Variants in NXN observed in about 807,000 individuals in gnomAD.
The protein encoded by NXN is nucleoredoxin 1.
NXN carries 16 observed loss-of-function variants against 48.6 expected under a neutral mutation model. The observed-to-expected ratio is 0.33, with a 90% CI of 0.22 to 0.50. The LOEUF is 0.50. Ranked by LOEUF, NXN falls within the 20% of genes least tolerant of loss-of-function variation. NXN has a pLI of 0.98. For missense variants in NXN, 492 were observed against 605.5 expected (o/e 0.81, Z 1.97); for synonymous variants, 281 against 269.6 (o/e 1.04, Z -0.41).
chr17:968,179 G>A (rs1254550594), intron 1 of NXN, among the ~76,000 whole-genome samples: 2 of 152,074 alleles, frequency 1.3e-5, no homozygotes, highest in Non-Finnish European at 2.9e-5. Flanking sequence ...GGCAGTAGGT[G>A]TCCTTGAGTT....
intron 1 of NXN, among the ~76,000 whole-genome samples, chr17:955,737 A>G (rs1389159245): frequency 6.6e-6 from 1 of 151,628 alleles, no homozygotes; most frequent in Non-Finnish European, 1.5e-5. Flanking sequence ...TCTACTAAAA[A>G]AAAATACAAA....
rs1397688158 is a variant in NXN at position 825,027 on chromosome 17, T to C, written c.478+934A>G. On this transcript the variant is annotated intron_variant, in intron 2 of 7. Coordinates refer to ENST00000336868, the MANE Select transcript of NXN (RefSeq NM_022463.5). The surrounding 1 kb of genome is among the most constrained non-coding windows in gnomAD (Gnocchi z 4.1). ...GGCGGATTGCTTGAGCTCAAAAGTT[T>C]TGAGACCAGCCTGGGCAAGCCTAGG... is the stretch of plus-strand genomic sequence containing the variant. Among the ~76,000 whole-genome samples, 1 of 152,048 alleles carries C rather than the reference T, an allele frequency of 6.6e-6. No individual in the cohort carries two copies. The highest frequency in any genetic ancestry group is 1.5e-5 in the Non-Finnish European group (1 of 67,980).
At chr17:855,265 G>A (rs540973131) in intron 1 of NXN, among the ~76,000 whole-genome samples, 10 of 152,246 alleles carry the variant, frequency 6.6e-5, no homozygotes, top group Non-Finnish European at 5.9e-5. Flanking sequence ...GCTACAGAGC[G>A]AGACGTTATC....
intron 1 of NXN, among the ~76,000 whole-genome samples, chr17:891,698 C>T (rs1422714374): frequency 5.3e-5 from 8 of 152,204 alleles, no homozygotes; most frequent in Non-Finnish European, 1.0e-4. Context: ...GCTAACCTCA[C>T]CATGCACAGC....
intron 5 of NXN, among the ~76,000 whole-genome samples, chr17:812,648 A>ATGTGTGTGACTGTAGG (rs1555609345): frequency 8.1e-6 from 1 of 123,294 alleles, no homozygotes; most frequent in Non-Finnish European, 1.8e-5. Context: ...GTGAGTGTGC[A>ATGTGTGTGACTGTAGG]TGTGTGTGAC....
At chr17:804,427 C>T (rs996188120) in intron 6 of NXN, among the ~76,000 whole-genome samples, 8 of 152,024 alleles carry the variant, frequency 5.3e-5, no homozygotes, top group African/African-American at 1.5e-4. Flanking sequence ...GGATTACAGG[C>T]GTGAGCCACC....
At position 938,887 on chromosome 17, in the gene NXN, C is replaced by T. The variant is rs141055542; in HGVS notation, c.360+40432G>A. Among the ~76,000 whole-genome samples the T allele has an allele frequency of 4.8e-3, 732 of 152,020 alleles. 7 individuals carry two copies. Among genetic ancestry groups the T allele is most frequent in the East Asian group, 0.028 (143 of 5,148 alleles). Reference sequence around the variant, plus strand: ...CCAGCCTGGCCAACATGGCAAAACCCCGTCTCTACTAAAAATTAGCTGGGT... The same window carrying T: ...CCAGCCTGGCCAACATGGCAAAACCTCGTCTCTACTAAAAATTAGCTGGGT... On this transcript the variant is annotated intron_variant, in intron 1 of 7. Coordinates refer to ENST00000336868, the MANE Select transcript of NXN (RefSeq NM_022463.5).
At chr17:861,714 G>T (rs1276344251) in intron 1 of NXN, among the ~76,000 whole-genome samples, 1 of 151,502 alleles carries the variant, frequency 6.6e-6, no homozygotes, top group Non-Finnish European at 1.5e-5. Context: ...ACCAAATTTG[G>T]GATACGGTAA....
intron 1 of NXN, among the ~76,000 whole-genome samples, chr17:904,292 TCGG>T (rs2068563097): frequency 6.6e-6 from 1 of 151,838 alleles, no homozygotes; most frequent in African/African-American, 2.4e-5. Flanking sequence ...TGCCCGGACG[TCGG>T]ACGCCGTCCG....
intron 5 of NXN, among the ~76,000 whole-genome samples, chr17:810,140 C>A (rs1474778596): frequency 1.9e-5 from 2 of 107,280 alleles, no homozygotes; most frequent in African/African-American, 3.8e-5. Flanking sequence ...GTGCACGTTA[C>A]GAGTCTGTGA....
intron 1 of NXN, among the ~76,000 whole-genome samples, chr17:952,671 C>T (rs2069125041): frequency 9.1e-5 from 2 of 21,966 alleles, no homozygotes; most frequent in African/African-American, 2.5e-4. Flanking sequence ...GCAGGTACCA[C>T]GGACGGTCAC....
chr17:961,363 C>T (rs899079341), intron 1 of NXN, among the ~76,000 whole-genome samples: 44 of 150,238 alleles, frequency 2.9e-4, no homozygotes, highest in South Asian at 2.1e-4. Flanking sequence ...CCAGCCTGGG[C>T]GACAGAGTGA....
chr17:955,199 G>A (rs551599479), intron 1 of NXN, among the ~76,000 whole-genome samples: 6 of 131,516 alleles, frequency 4.6e-5, no homozygotes, highest in Non-Finnish European at 9.2e-5. Context: ...ACAGAGTCTC[G>A]CTCTGTCACC....
chr17:801,000 C>G lies in NXN; in HGVS notation c.1257G>C (p.Glu419Asp), dbSNP rs1307506533. 5.1e-6 allele frequency: 8 copies of G among 1,562,140 alleles called. No homozygotes were observed. Among genetic ancestry groups the G allele is most frequent in the Non-Finnish European group, 6.9e-6 (8 of 1,152,118 alleles). ...CTGCTAGGAAGTCATTCACAAAGGC[C>G]TCCACGATGGCGGGGGTGATCTCCT... ...DVEEITPAIV[E>D]AFVNDFLAEK... Residue 419 changes from glutamate (E) to aspartate (D), a missense_variant, in exon 8 of 8, where the codon GAG (glutamate) becomes GAC (aspartate). Coordinates refer to ENST00000336868, the MANE Select transcript of NXN (RefSeq NM_022463.5).
chr17:953,286 A>G (rs184988020), intron 1 of NXN, among the ~76,000 whole-genome samples: 4,133 of 152,186 alleles, frequency 0.027, 79 homozygotes, highest in Admixed American at 0.048. Context: ...ATGGTGGCTC[A>G]CGCCTGTAAT....
chr17:974,961 G>A (rs1443439699), intron 1 of NXN, among the ~76,000 whole-genome samples: 1 of 151,926 alleles, frequency 6.6e-6, no homozygotes, highest in Non-Finnish European at 1.5e-5. Context: ...CGAGTAGCTG[G>A]GACCACAGGT....
chr17:832,352 T>C (rs1346471995), intron 1 of NXN, among the ~76,000 whole-genome samples: 1 of 105,284 alleles, frequency 9.5e-6, no homozygotes, highest in Non-Finnish European at 1.8e-5. Flanking sequence ...TACTATTTTG[T>C]ATTTTTTTTT....
At chr17:819,872 G>T (rs564859772) in intron 4 of NXN, among the ~76,000 whole-genome samples, 1 of 152,318 alleles carries the variant, frequency 6.6e-6, no homozygotes, top group Admixed American at 6.5e-5. Flanking sequence ...GATGTGCACA[G>T]CCACTGCATA....
Position 956,069 on chromosome 17 carries a change from T to C in NXN, c.360+23250A>G, listed in dbSNP as rs2069165987. On this transcript the variant is annotated intron_variant, in intron 1 of 7. Coordinates refer to ENST00000336868, the MANE Select transcript of NXN (RefSeq NM_022463.5). The surrounding 1 kb of genome is among the most constrained non-coding windows in gnomAD (Gnocchi z 4.1). ...TCCCCCTGTCCTTTCCAGGGTATCA[T>C]TCAGTGACTGCATTGTTCAATATTT... Among the ~76,000 whole-genome samples, 1 of 152,244 alleles carries C rather than the reference T, an allele frequency of 6.6e-6. No homozygotes were observed. Among genetic ancestry groups the C allele is most frequent in the African/African-American group, 2.4e-5 (1 of 41,554 alleles).
Sources: allele counts gnomAD v4.1 joint callset (sites outside exome capture counted in the v4.1 genomes callset), GRCh38; gene constraint gnomAD v4.1.1; non-coding constraint Gnocchi (gnomAD v3.1); transcripts MANE v1.5; gene names NCBI Gene and HGNC (gene_info 2026-07-23, HGNC 2026-07-21).